The following PLXNC1 variants were observed in gnomAD, a reference collection of about 807,000 sequenced individuals.
The protein encoded by PLXNC1 is plexin C1, also known as plexin-C1.
Under a neutral mutation model 178.2 loss-of-function variants are expected in PLXNC1, and 75 were observed. The ratio of observed to expected loss-of-function variants is 0.42; its 90% CI spans 0.35 to 0.51. The LOEUF is 0.51. PLXNC1 is among the 20% of genes least tolerant of loss of function. PLXNC1 has a pLI of 0.02. For missense variants in PLXNC1, 1,503 were observed against 1,984.4 expected, an observed-to-expected ratio of 0.76 and a Z score of 4.61; for synonymous variants, 790 against 779.9, an observed-to-expected ratio of 1.01 and a Z score of -0.22.
At chr12:94,228,821 C>T (rs1964016007) in intron 9 of PLXNC1, among the ~76,000 whole-genome samples, 1 of 152,224 alleles carries the variant, frequency 6.6e-6, no homozygotes, top group African/African-American at 2.4e-5. Context: ...ACGCTTGGGT[C>T]GCTTCCACAT....
At chr12:94,165,748 G>A (rs999064149) in intron 1 of PLXNC1, among the ~76,000 whole-genome samples, 2 of 152,000 alleles carry the variant, frequency 1.3e-5, no homozygotes, top group African/African-American at 4.8e-5. Context: ...GTGTCTCCAG[G>A]AACATAGAAT....
chr12:94,279,830 TC>T, intron 22 of PLXNC1, 181 bp downstream of exon 22: 1 of 707,858 alleles, frequency 1.4e-6, no homozygotes, highest in South Asian at 1.5e-5. Flanking sequence ...CTCATGGGCA[TC>T]CTGATTCTTC....
At chr12:94,244,593 C>G (rs973647916) in intron 12 of PLXNC1, among the ~76,000 whole-genome samples, 1 of 152,244 alleles carries the variant, frequency 6.6e-6, no homozygotes, top group Non-Finnish European at 1.5e-5. Flanking sequence ...GATTCTCCCA[C>G]TGGTGCCTCC....
At chr12:94,167,763 T>C (rs1439406351) in intron 1 of PLXNC1, among the ~76,000 whole-genome samples, 1 of 152,230 alleles carries the variant, frequency 6.6e-6, no homozygotes, top group African/African-American at 2.4e-5. Context: ...GAAACTCTAA[T>C]GAGCTTTCCC....
intron 10 of PLXNC1, among the ~76,000 whole-genome samples, chr12:94,238,801 A>C (rs546637744): frequency 1.3e-5 from 2 of 152,242 alleles, no homozygotes; most frequent in East Asian, 3.9e-4. Flanking sequence ...CATAGCAGTA[A>C]ATTTGGAATA....
rs1391333992 is a variant in PLXNC1, at chr12:94,275,677, C to G, written c.3598-3795C>G. On this transcript the variant is annotated intron_variant, in intron 21 of 30. Transcript: ENST00000258526. ...GACCATCCCGGCTAAAACGGTGAAA[C>G]CCCGTCTCTACTAAAAAAATACAAA... 1.9e-5 allele frequency among the ~76,000 whole-genome samples: 2 copies of G among 103,426 alleles called. 1 individual carries two copies. Among genetic ancestry groups the G allele is most frequent in the Non-Finnish European group, 4.0e-5 (2 of 50,226 alleles). The allele number at this position is 103,426 out of a possible 152,430, so 67.9% of individuals were successfully genotyped here. A position where few individuals can be genotyped will look rare whatever the true frequency, so the allele number is the denominator to read the frequency against.
chr12:94,160,220 C>T (rs1961329144), intron 1 of PLXNC1, among the ~76,000 whole-genome samples: 1 of 152,122 alleles, frequency 6.6e-6, no homozygotes, highest in Admixed American at 6.6e-5. Flanking sequence ...TCCCAGGCAT[C>T]TATCAGGTTG....
intron 2 of PLXNC1, among the ~76,000 whole-genome samples, chr12:94,179,233 A>C (rs533543053): frequency 4.6e-5 from 7 of 152,356 alleles, no homozygotes; most frequent in African/African-American, 1.7e-4. Flanking sequence ...TGTGAAGTAG[A>C]CTTTGTCCAA....
rs370396216 is a variant in PLXNC1 at position 94,257,050 on chromosome 12, C to G, written c.3087+1754C>G. On this transcript the variant is annotated intron_variant, in intron 17 of 30. Coordinates refer to ENST00000258526, the MANE Select transcript of PLXNC1 (RefSeq NM_005761.3). The stretch of plus-strand genomic sequence containing the variant: ...ATGCATAAATTTGTCAGAACCCTTT[C>G]AAGAAGACCTAAGTCAAAACTGATT... Among the ~76,000 whole-genome samples, 3 of 152,126 alleles carry G rather than the reference C, an allele frequency of 2.0e-5. No individual in the cohort carries two copies. The South Asian group carries it at 6.2e-4, about 32-fold the overall frequency.
rs1432946778 is a variant in PLXNC1 at position 94,297,326 on chromosome 12, A to T, written c.3977A>T (p.Asp1326Val). The T allele has an allele frequency of 1.2e-6, 2 of 1,613,892 alleles. No homozygotes were observed. Among genetic ancestry groups the T allele is most frequent in the African/African-American group, 2.7e-5 (2 of 74,902 alleles). ...CTGTCTTCCCTTCAGATTTTACCAG[A>T]TTCGGAAGCATTCCAAGATGTGCAA... is the stretch of plus-strand genomic sequence containing the variant. ...SDDHCHLILP[D>V]SEAFQDVQGK... The change falls in exon 26 of 31, where the codon GAT (aspartate) becomes GTT (valine). Residue 1326 changes from aspartate (D) to valine (V), a missense_variant. Asp to Val is a radical substitution (Grantham distance 152). Coordinates refer to ENST00000258526, the MANE Select transcript of PLXNC1 (RefSeq NM_005761.3).
At chr12:94,258,892 C>T (rs1328524777) in intron 17 of PLXNC1, among the ~76,000 whole-genome samples, 1 of 152,260 alleles carries the variant, frequency 6.6e-6, no homozygotes, top group African/African-American at 2.4e-5. Flanking sequence ...TACCCCCTGT[C>T]TTTCAATATC....
intron 1 of PLXNC1, chr12:94,158,061 T>C (rs1255695260): frequency 6.6e-6 from 1 of 152,220 alleles, no homozygotes; most frequent in Non-Finnish European, 1.5e-5. Context: ...GTTTGTTGAC[T>C]CCTGCTATTA....
rs992155044 is a variant in PLXNC1 at position 94,259,284 on chromosome 12, CTCT to C, written c.3088-50_3088-48del. The C allele has an allele frequency of 2.5e-4, 341 of 1,357,512 alleles. 5 individuals are homozygous for C. The African/African-American group carries it at 4.4e-3, about 18-fold the overall frequency. The allele number at this position is 1,357,512 out of a possible 1,614,324, so 84.1% of individuals were successfully genotyped here. ...ACTTGGGTATTATAACAAAAATACA[CTCT>C]TCATTTCCTTTGGATGTTATGAATA... is the stretch of plus-strand genomic sequence containing the variant. On this transcript the variant is annotated intron_variant, in intron 17 of 30. Coordinates refer to ENST00000258526, the MANE Select transcript of PLXNC1 (RefSeq NM_005761.3).
chr12:94,172,285 A>G (rs1018123315), intron 2 of PLXNC1, among the ~76,000 whole-genome samples: 1 of 152,234 alleles, frequency 6.6e-6, no homozygotes, highest in African/African-American at 2.4e-5. Context: ...TCATGAGTTG[A>G]CGGCATTTTG....
intron 26 of PLXNC1, among the ~76,000 whole-genome samples, chr12:94,297,654 A>G (rs563549953): frequency 1.3e-5 from 2 of 152,310 alleles, no homozygotes; most frequent in South Asian, 4.1e-4. Flanking sequence ...CAGGGATTTA[A>G]TATTGTTCCC....
chr12:94,295,598 C>T (rs1032993315), intron 24 of PLXNC1, among the ~76,000 whole-genome samples: 1 of 152,188 alleles, frequency 6.6e-6, no homozygotes, highest in Non-Finnish European at 1.5e-5. Flanking sequence ...CCTGCTAATA[C>T]TCTAAACCTC....
At chr12:94,244,868 G>T (rs963106405) in intron 12 of PLXNC1, among the ~76,000 whole-genome samples, 4 of 152,148 alleles carry the variant, frequency 2.6e-5, no homozygotes, top group East Asian at 3.9e-4. Context: ...TACAAGTCAG[G>T]CCTCCAAGTG....
chr12:94,174,691 A>T (rs1012143810), intron 2 of PLXNC1, among the ~76,000 whole-genome samples: 1 of 152,028 alleles, frequency 6.6e-6, no homozygotes, highest in Non-Finnish European at 1.5e-5. Context: ...AAGGAATAGG[A>T]GAACTTGGGG....
In PLXNC1 at chr12:94,226,698, G is replaced by C. The variant is rs939070858; in HGVS notation, c.1884G>C (p.Glu628Asp). Residue 628 changes from glutamate to aspartate, a missense_variant, in exon 8 of 31, where the codon GAG becomes GAC. Around this residue, in one of 4 missense-constraint regions of PLXNC1, gnomAD observed 615 missense variants for 698.6 expected, o/e 0.88. Coordinates refer to ENST00000258526, the MANE Select transcript of PLXNC1 (RefSeq NM_005761.3). ...PFTACDPSDYERNQEQCPVAV... is the reference protein window; with the variant it reads ...PFTACDPSDYDRNQEQCPVAV... ...CAGCTTGCGACCCTTCTGATTATGA[G>C]AGAAACCAGGTAAAGTGACATTTTT... 6.2e-7 allele frequency: 1 copy of C among 1,609,498 alleles called. No individual in the cohort carries two copies. Among genetic ancestry groups the C allele is most frequent in the African/African-American group, 1.3e-5 (1 of 74,832 alleles).
Sources: allele counts gnomAD v4.1 joint callset (sites outside exome capture counted in the v4.1 genomes callset), GRCh38; gene constraint gnomAD v4.1.1; regional missense constraint gnomAD v4.1.1; transcripts MANE v1.5; gene names NCBI Gene and HGNC (gene_info 2026-07-23, HGNC 2026-07-21).